NLN: variants seen among roughly 807,000 people sequenced by gnomAD.
The protein encoded by NLN is neurolysin, also known as neurolysin, mitochondrial.
Under a neutral mutation model 79.9 loss-of-function variants are expected in NLN, and 64 were observed. That is an observed-to-expected ratio of 0.80 (90% CI 0.65 to 0.99). The LOEUF (loss-of-function observed/expected upper bound fraction) is 0.99, where lower values mean the gene tolerates loss of function less well. Among genes scored for constraint, NLN ranks in the 50% least tolerant of loss-of-function variants. The pLI is 0.00. For synonymous variants in NLN, 267 were observed against 296.6 expected, an observed-to-expected ratio of 0.90 and a Z score of 1.02; for missense variants, 835 against 858.7, an observed-to-expected ratio of 0.97 and a Z score of 0.34.
At chr5:65,759,653 T>A (rs1323355436) in intron 2 of NLN, among the ~76,000 whole-genome samples, 13 of 152,110 alleles carry the variant, frequency 8.5e-5, no homozygotes, top group Admixed American at 7.9e-4. Flanking sequence ...AGGAGGATTC[T>A]CCCTTGTTCA....
chr5:65,773,685 G>A (rs1434871072), intron 3 of NLN, among the ~76,000 whole-genome samples: 1 of 152,152 alleles, frequency 6.6e-6, no homozygotes, highest in Non-Finnish European at 1.5e-5. Flanking sequence ...GCTCATGTCT[G>A]TAATCCCAGC....
chr5:65,767,793 C>T (rs1052369635), intron 3 of NLN, among the ~76,000 whole-genome samples: 2 of 152,304 alleles, frequency 1.3e-5, no homozygotes, highest in Non-Finnish European at 2.9e-5. Context: ...GCACCCAGGC[C>T]ACCTCTTGAA....
intron 1 of NLN, among the ~76,000 whole-genome samples, chr5:65,747,939 A>G (rs1759020074): frequency 6.6e-6 from 1 of 152,074 alleles, no homozygotes; most frequent in Admixed American, 6.6e-5. Context: ...AGTGGCTCAC[A>G]CCTGTAATCC....
chr5:65,795,873 T>G (rs868775598), intron 9 of NLN, among the ~76,000 whole-genome samples: 1 of 152,214 alleles, frequency 6.6e-6, no homozygotes, highest in Non-Finnish European at 1.5e-5. Context: ...TTTAGACTTA[T>G]GGTATATTAC....
At chr5:65,806,311 G>A (rs1421370999) in intron 9 of NLN, among the ~76,000 whole-genome samples, 1 of 152,086 alleles carries the variant, frequency 6.6e-6, no homozygotes, top group East Asian at 1.9e-4. Flanking sequence ...TTTCTCTGAG[G>A]GATCTTGGCA....
intron 6 of NLN, among the ~76,000 whole-genome samples, chr5:65,781,719 AAG>A (rs1244333054): frequency 2.0e-5 from 3 of 152,352 alleles, no homozygotes; most frequent in African/African-American, 7.2e-5. Context: ...TAATATGAAA[AAG>A]AAAAAAGGAA....
At chr5:65,811,268 C>G in intron 11 of NLN, among the ~76,000 whole-genome samples, 1 of 152,112 alleles carries the variant, frequency 6.6e-6, no homozygotes. Context: ...TCTAGGCTCC[C>G]CACATAGTAA....
At chr5:65,798,157 A>G (rs924735727) in intron 9 of NLN, among the ~76,000 whole-genome samples, 2 of 152,230 alleles carry the variant, frequency 1.3e-5, no homozygotes, top group East Asian at 1.9e-4. Context: ...CTTACTGAAC[A>G]TGTACCAGGT....
intron 1 of NLN, among the ~76,000 whole-genome samples, chr5:65,747,646 A>C (rs1759013805): frequency 6.6e-6 from 1 of 152,032 alleles, no homozygotes; most frequent in South Asian, 2.1e-4. Flanking sequence ...TATATGTCCA[A>C]ACTCTGACCA....
At chr5:65,814,247 A>T (rs1183308254) in intron 12 of NLN, among the ~76,000 whole-genome samples, 1 of 152,056 alleles carries the variant, frequency 6.6e-6, no homozygotes, top group African/African-American at 2.4e-5. Flanking sequence ...CCCAGTTACC[A>T]ACTCCAAAGG....
chr5:65,758,723 G>T lies in NLN; in HGVS notation c.198G>T (p.Val66=), dbSNP rs1561189308. ...AAACAAGAACTGAGGAGCTCATTGT[G>T]CAGACCAAACAGGTGTACGATGCTG... ...QIKTRTEELI[V]QTKQVYDAVG... is the part of the protein sequence containing the mutation. The change falls in exon 2 of 13, where the codon GTG becomes GTT. Residue 66 remains valine (V), a synonymous_variant. Coordinates refer to ENST00000380985, the MANE Select transcript of NLN (RefSeq NM_020726.5). The T allele has an allele frequency of 6.2e-7, 1 of 1,613,790 alleles. No individual in the cohort carries two copies. The highest frequency in any genetic ancestry group is 1.7e-5 in the Admixed American group (1 of 59,962).
intron 1 of NLN, among the ~76,000 whole-genome samples, chr5:65,740,291 C>T (rs1198613149): frequency 6.6e-6 from 1 of 152,160 alleles, no homozygotes; most frequent in African/African-American, 2.4e-5. Context: ...GTGAGGCACA[C>T]TGAGAACAAA....
intron 3 of NLN, among the ~76,000 whole-genome samples, chr5:65,769,111 G>A (rs765835873): frequency 3.3e-5 from 5 of 152,200 alleles, no homozygotes; most frequent in Non-Finnish European, 7.3e-5. Context: ...AAGCTACTTT[G>A]CACTTATGTG....
At chr5:65,792,842 G>A (rs1043156031) in intron 9 of NLN, 187 bp downstream of exon 9, 2 of 659,938 alleles carry the variant, frequency 3.0e-6, no homozygotes, top group Admixed American at 4.1e-5. Flanking sequence ...TTTACTTGGA[G>A]GTTCATCTAC....
chr5:65,823,071 G>A lies in NLN; in HGVS notation c.*156G>A, dbSNP rs1760836275. 5 of 574,040 alleles carry A rather than the reference G, an allele frequency of 8.7e-6. No homozygotes were observed. The highest frequency in any genetic ancestry group is 6.7e-5 in the Admixed American group (2 of 29,686). 35.6% of individuals were successfully genotyped at this position (574,040 alleles called of 1,614,324 possible). A position where few individuals can be genotyped will look rare whatever the true frequency, so the allele number is the denominator to read the frequency against. On this transcript the variant is annotated 3_prime_UTR_variant, in exon 13 of 13. Transcript: ENST00000380985. ...TTTTAAAAATTATAAAGATGTAAAT[G>A]GAATTATAAATACTGTGACCTAAGA...
At chr5:65,797,903 A>G (rs991318590) in intron 9 of NLN, among the ~76,000 whole-genome samples, 1 of 152,106 alleles carries the variant, frequency 6.6e-6, no homozygotes, top group Admixed American at 6.6e-5. Flanking sequence ...TCACGTTTGT[A>G]TTTGGTTCTG....
intron 9 of NLN, among the ~76,000 whole-genome samples, chr5:65,805,775 T>C (rs547211195): frequency 6.6e-6 from 1 of 152,358 alleles, no homozygotes; most frequent in African/African-American, 2.4e-5. Context: ...ATCTTCCATG[T>C]AGATGAAATA....
At chr5:65,771,784 A>G (rs1261526426) in intron 3 of NLN, among the ~76,000 whole-genome samples, 1 of 152,144 alleles carries the variant, frequency 6.6e-6, no homozygotes, top group Admixed American at 6.5e-5. Context: ...TGGGAGGCCA[A>G]GGTGAGCGGA....
At chr5:65,797,229 G>A (rs1760191172) in intron 9 of NLN, among the ~76,000 whole-genome samples, 1 of 152,184 alleles carries the variant, frequency 6.6e-6, no homozygotes, top group Non-Finnish European at 1.5e-5. Flanking sequence ...TGTCTGTGTT[G>A]TGTTGTACAT....
Sources: gnomAD v4.1 joint callset for allele counts (sites outside exome capture counted in the v4.1 genomes callset) on GRCh38, gnomAD v4.1.1 for gene constraint, MANE v1.5 for transcripts, NCBI Gene and HGNC (gene_info 2026-07-23, HGNC 2026-07-21) for gene names.